Variants in EVA1C observed in about 807,000 individuals in gnomAD.
EVA1C encodes the protein protein eva-1 homolog C.
EVA1C carries 25 observed loss-of-function variants against 45.4 expected under a neutral mutation model. The ratio of observed to expected loss-of-function variants is 0.55; its 90% CI spans 0.40 to 0.77. The LOEUF (loss-of-function observed/expected upper bound fraction) is 0.77. Ranked by LOEUF, EVA1C falls within the 30% of genes least tolerant of loss-of-function variation. The pLI, the probability that EVA1C is intolerant of heterozygous loss-of-function variation, is 0.00. For synonymous variants in EVA1C, 190 were observed against 221.2 expected (o/e 0.86, Z 1.25); for missense variants, 479 against 554.8 (o/e 0.86, Z 1.37).
At chr21:32,467,892 A>G in intron 4 of EVA1C, 44 bp downstream of exon 4, 5 of 1,359,628 alleles carry the variant, frequency 3.7e-6, no homozygotes, top group Non-Finnish European at 4.9e-6. Flanking sequence ...CTCTAGAGGG[A>G]CAGAATTAAT....
intron 1 of EVA1C, among the ~76,000 whole-genome samples, chr21:32,430,742 G>A (rs2034666001): frequency 6.6e-6 from 1 of 152,132 alleles, no homozygotes; most frequent in Non-Finnish European, 1.5e-5. Flanking sequence ...GGAAGCCAAG[G>A]CGGGTGGATC....
intron 4 of EVA1C, among the ~76,000 whole-genome samples, chr21:32,480,302 T>TAA (rs56902183): frequency 4.8e-5 from 5 of 105,184 alleles, no homozygotes; most frequent in African/African-American, 1.3e-4. Flanking sequence ...CCCTGTCTCT[T>TAA]AAAAAAAAAA....
chr21:32,467,820 C>T lies in EVA1C; in HGVS notation c.606C>T (p.Ser202=), dbSNP rs755398994. 7 of 1,611,720 alleles carry T rather than the reference C, an allele frequency of 4.3e-6. No homozygotes were observed. The highest frequency in any genetic ancestry group is 2.7e-5 in the African/African-American group (2 of 74,728). The change falls in exon 4 of 8, where the codon TCC becomes TCT. Residue 202 remains serine (S), a synonymous_variant. Coordinates refer to ENST00000300255, the MANE Select transcript of EVA1C (RefSeq NM_058187.5). The part of the protein sequence containing the change: ...GRRTQERDIC[S]SKAERLPPFD... ...GGACCCAGGAAAGGGACATCTGCTC[C>T]TCCAAGGCAGAGCGGCTCCCCCCTT...
At chr21:32,468,472 TAAAGA>T (rs1206746006) in intron 4 of EVA1C, among the ~76,000 whole-genome samples, 1 of 61,416 alleles carries the variant, frequency 1.6e-5, no homozygotes, top group Non-Finnish European at 3.2e-5. Context: ...TATATATATA[TAAAGA>T]ATAGTACCCA....
intron 4 of EVA1C, among the ~76,000 whole-genome samples, chr21:32,481,132 G>A (rs2036770107): frequency 6.6e-6 from 1 of 151,988 alleles, no homozygotes; most frequent in Non-Finnish European, 1.5e-5. Flanking sequence ...GGGCCTCTCT[G>A]TACTTCTAAA....
chr21:32,414,802 C>T (rs139773858), intron 1 of EVA1C, among the ~76,000 whole-genome samples: 30 of 152,262 alleles, frequency 2.0e-4, no homozygotes, highest in South Asian at 4.1e-4. Flanking sequence ...CCACCCACAA[C>T]GAGCCCCCAT....
chr21:32,510,793 G>C (rs2037921079), intron 7 of EVA1C, among the ~76,000 whole-genome samples: 1 of 152,134 alleles, frequency 6.6e-6, no homozygotes, highest in Non-Finnish European at 1.5e-5. Context: ...CCAGCACTTG[G>C]GGAGGCCAAG....
At chr21:32,453,171 C>G (rs2035647999) in intron 1 of EVA1C, 141 bp from the exon 2 acceptor site, 2 of 577,614 alleles carry the variant, frequency 3.5e-6, no homozygotes, top group Non-Finnish European at 6.3e-6. Flanking sequence ...ACCTCTGCAC[C>G]AGAGCTGCTA....
chr21:32,453,232 A>G (rs1242416979), intron 1 of EVA1C, 80 bp from the exon 2 acceptor site: 7 of 1,029,896 alleles, frequency 6.8e-6, no homozygotes, highest in Non-Finnish European at 1.0e-5. Context: ...CCCCAGGGGA[A>G]CCAACGTCCT....
intron 4 of EVA1C, among the ~76,000 whole-genome samples, chr21:32,477,104 C>T (rs1335052486): frequency 6.6e-6 from 1 of 152,146 alleles, no homozygotes; most frequent in African/African-American, 2.4e-5. Context: ...CATCAATGGC[C>T]TGGGGACAGG....
chr21:32,459,838 CAAAAAAA>C (rs35572319), intron 3 of EVA1C, among the ~76,000 whole-genome samples: 2 of 63,184 alleles, frequency 3.2e-5, no homozygotes, highest in Non-Finnish European at 6.4e-5. Flanking sequence ...GAGACTGTCT[CAAAAAAA>C]AAAAAAAAAA....
chr21:32,414,643 TTGA>T (rs2033965678), intron 1 of EVA1C, among the ~76,000 whole-genome samples: 1 of 152,178 alleles, frequency 6.6e-6, no homozygotes, highest in Admixed American at 6.6e-5. Context: ...TACAGTGGAG[TTGA>T]GCTATCAACT....
chr21:32,504,092 A>G (rs1229658814), intron 7 of EVA1C, 77 bp downstream of exon 7: 1 of 1,006,026 alleles, frequency 9.9e-7, no homozygotes, highest in African/African-American at 1.6e-5. Context: ...CTGTTCAATT[A>G]TAGCACTCAG....
intron 5 of EVA1C, among the ~76,000 whole-genome samples, chr21:32,500,416 GCTA>G (rs2037491433): frequency 6.6e-6 from 1 of 151,926 alleles, no homozygotes; most frequent in Non-Finnish European, 1.5e-5. Flanking sequence ...CTCCCAAAGT[GCTA>G]GAATTACAGG....
At chr21:32,499,616 G>A (rs951015898) in intron 5 of EVA1C, among the ~76,000 whole-genome samples, 2 of 152,234 alleles carry the variant, frequency 1.3e-5, no homozygotes, top group African/African-American at 4.8e-5. Context: ...TTTTCTTGCT[G>A]CTGAAGATGC....
chr21:32,434,628 A>T (rs2034861332), intron 1 of EVA1C, among the ~76,000 whole-genome samples: 1 of 146,096 alleles, frequency 6.8e-6, no homozygotes. Flanking sequence ...AAATAAATAA[A>T]TAAAATTTTA....
At chr21:32,504,486 A>G (rs1041707795) in intron 7 of EVA1C, among the ~76,000 whole-genome samples, 2 of 152,326 alleles carry the variant, frequency 1.3e-5, no homozygotes, top group Non-Finnish European at 2.9e-5. Context: ...AGTCTTCCCC[A>G]TGAGGATCAA....
rs1568949634 is a variant in EVA1C, at chr21:32,502,004, CTTTCTTTCTTTCTTTCTT to C, written c.859+511_859+528del. ...CGCTCTTTTCTTTCTTTCTTTCTTT[CTTTCTTTCTTTCTTTCTT>C]TCTTTCTTTCTTTCTTTCTTTCTTT... is the stretch of plus-strand genomic sequence containing the variant. On this transcript the variant is annotated intron_variant, in intron 6 of 7. Transcript: ENST00000300255. Among the ~76,000 whole-genome samples, 5 of 89,796 alleles carry C rather than the reference CTTTCTTTCTTTCTTTCTT, an allele frequency of 5.6e-5. No homozygotes were observed. In the South Asian group the frequency reaches 1.7e-3, roughly 30 times the overall value. The allele number at this position is 89,796 out of a possible 152,430, so 58.9% of individuals were successfully genotyped here. A position where few individuals can be genotyped will look rare whatever the true frequency, so the allele number is the denominator to read the frequency against.
chr21:32,438,311 A>G (rs984236543), intron 1 of EVA1C, among the ~76,000 whole-genome samples: 3 of 151,942 alleles, frequency 2.0e-5, no homozygotes, highest in Non-Finnish European at 2.9e-5. Flanking sequence ...AGCCTGGCCA[A>G]TATGGCAAAA....
Sources: allele counts gnomAD v4.1 joint callset (sites outside exome capture counted in the v4.1 genomes callset), GRCh38; gene constraint gnomAD v4.1.1; transcripts MANE v1.5; gene names NCBI Gene and HGNC (gene_info 2026-07-23, HGNC 2026-07-21).